DPYD: variants seen among roughly 807,000 people sequenced by gnomAD.
DPYD encodes the protein dihydropyrimidine dehydrogenase, also known as dihydropyrimidine dehydrogenase [NADP(+)].
In DPYD, 109 loss-of-function variants were observed where a neutral mutation model predicts 116.2. The observed-to-expected ratio is 0.94, with a 90% CI of 0.80 to 1.10. DPYD has a LOEUF of 1.10. DPYD is among the 50% of genes least tolerant of loss of function. DPYD has a pLI of 0.00. For synonymous variants in DPYD, 440 were observed against 432.0 expected, an observed-to-expected ratio of 1.02 and a Z score of -0.23; for missense variants, 1,302 against 1,254.5, an observed-to-expected ratio of 1.04 and a Z score of -0.57.
chr1:97,160,012 T>C lies in DPYD; in HGVS notation c.2622+33057A>G, dbSNP rs571193080. On this transcript the variant is annotated intron_variant, in intron 20 of 22. Coordinates refer to ENST00000370192, the MANE Select transcript of DPYD (RefSeq NM_000110.4). Reference sequence around the variant, plus strand: ...AGATGAAGGATAAAATCTTTCTTACTGATACTATTATCATTAGGATACAAT... The same window carrying C: ...AGATGAAGGATAAAATCTTTCTTACCGATACTATTATCATTAGGATACAAT... Among the ~76,000 whole-genome samples, 26 of 152,164 alleles carry C rather than the reference T, an allele frequency of 1.7e-4. No individual in the cohort carries two copies. In the South Asian group the frequency reaches 5.2e-3, roughly 30 times the overall value.
chr1:97,170,284 C>A (rs1656630147), intron 20 of DPYD, among the ~76,000 whole-genome samples: 1 of 152,116 alleles, frequency 6.6e-6, no homozygotes, highest in African/African-American at 2.4e-5. Flanking sequence ...TAGGGTTTTC[C>A]TTGCTATTAA....
chr1:97,199,050 C>A (rs1659018305), intron 19 of DPYD, among the ~76,000 whole-genome samples: 1 of 152,104 alleles, frequency 6.6e-6, no homozygotes, highest in African/African-American at 2.4e-5. Context: ...GTACAAATAC[C>A]TGGATGGTAA....
In DPYD at chr1:97,779,843, A is replaced by G. The variant is rs972971149; in HGVS notation, c.234-39364T>C. 4.6e-5 allele frequency among the ~76,000 whole-genome samples: 7 copies of G among 152,242 alleles called. No individual in the cohort carries two copies. In the South Asian group the frequency reaches 1.0e-3, roughly 23 times the overall value. ...AAGATAAGAATTTAGAAGTTGAACA[A>G]CTAGAACCAACTCTAACTTTTACTA... On this transcript the variant is annotated intron_variant, in intron 3 of 22. Coordinates refer to ENST00000370192, the MANE Select transcript of DPYD (RefSeq NM_000110.4).
chr1:97,624,833 A>G (rs1296909824), intron 8 of DPYD, among the ~76,000 whole-genome samples: 2 of 152,086 alleles, frequency 1.3e-5, no homozygotes, highest in Non-Finnish European at 2.9e-5. Context: ...ATTGGAGAAC[A>G]TTACACTAAG....
chr1:97,753,901 A>T (rs1411557808), intron 3 of DPYD, among the ~76,000 whole-genome samples: 1 of 152,140 alleles, frequency 6.6e-6, no homozygotes, highest in South Asian at 2.1e-4. Context: ...GTCCCTATCC[A>T]GTATCTGGAA....
At chr1:97,815,582 T>C (rs1453253781) in intron 3 of DPYD, among the ~76,000 whole-genome samples, 1 of 152,194 alleles carries the variant, frequency 6.6e-6, no homozygotes, top group African/African-American at 2.4e-5. Context: ...CAGAGCACTC[T>C]CACTGAACAG....
At chr1:97,555,458 C>T (rs966639720) in intron 11 of DPYD, among the ~76,000 whole-genome samples, 2 of 152,206 alleles carry the variant, frequency 1.3e-5, no homozygotes, top group East Asian at 3.9e-4. Context: ...ACATCCAAAA[C>T]TCAGTTCACA....
At chr1:97,509,732 T>C (rs1167536102) in intron 13 of DPYD, among the ~76,000 whole-genome samples, 2 of 151,938 alleles carry the variant, frequency 1.3e-5, no homozygotes, top group Non-Finnish European at 2.9e-5. Flanking sequence ...ACCTTAAAGA[T>C]CATCTCAAGA....
At chr1:97,328,415 A>C (rs1225173051) in intron 16 of DPYD, among the ~76,000 whole-genome samples, 1 of 152,146 alleles carries the variant, frequency 6.6e-6, no homozygotes, top group African/African-American at 2.4e-5. Context: ...AAGTCATATT[A>C]GTCTACTTAT....
intron 8 of DPYD, among the ~76,000 whole-genome samples, chr1:97,659,412 A>G (rs1659125419): frequency 6.6e-6 from 1 of 152,192 alleles, no homozygotes; most frequent in African/African-American, 2.4e-5. Flanking sequence ...GTACATTTGT[A>G]TAAGAGTGGT....
At chr1:97,891,298 C>A (rs1030191515) in intron 1 of DPYD, among the ~76,000 whole-genome samples, 2 of 151,880 alleles carry the variant, frequency 1.3e-5, no homozygotes, top group African/African-American at 4.8e-5. Context: ...CCCATTAACC[C>A]TTTCAGATAC....
chr1:97,688,836 A>G (rs553338929), intron 7 of DPYD, among the ~76,000 whole-genome samples: 1 of 152,104 alleles, frequency 6.6e-6, no homozygotes, highest in Admixed American at 6.5e-5. Context: ...TTACATGTAC[A>G]GAAATAAACA....
intron 8 of DPYD, among the ~76,000 whole-genome samples, chr1:97,598,586 C>A (rs369761131): frequency 7.4e-6 from 1 of 135,552 alleles, no homozygotes; most frequent in African/African-American, 2.7e-5. Flanking sequence ...GTGATTTTCA[C>A]GTTCTCTGAA....
chr1:97,162,828 A>T (rs887147681), intron 20 of DPYD, among the ~76,000 whole-genome samples: 2 of 151,894 alleles, frequency 1.3e-5, no homozygotes, highest in African/African-American at 4.8e-5. Flanking sequence ...ATAACGCCAC[A>T]TATCTACAAC....
chr1:97,920,444 A>G (rs78334244), intron 1 of DPYD, among the ~76,000 whole-genome samples: 2,125 of 152,258 alleles, frequency 0.014, 168 homozygotes, highest in Admixed American at 0.12. Flanking sequence ...TCACCTTTGC[A>G]AATAGCAGGA....
intron 14 of DPYD, among the ~76,000 whole-genome samples, chr1:97,432,152 T>G (rs773316849): frequency 6.6e-6 from 1 of 152,160 alleles, no homozygotes; most frequent in Non-Finnish European, 1.5e-5. Context: ...CTATTGTGAA[T>G]AGTGCTGCAA....
intron 10 of DPYD, chr1:97,585,821 A>G (rs1480326535): frequency 1.3e-5 from 2 of 152,310 alleles, no homozygotes; most frequent in African/African-American, 4.8e-5. Flanking sequence ...TAGAGCATAC[A>G]GATCTCTTCC....
At chr1:97,540,377 C>CA (rs987830681) in intron 12 of DPYD, among the ~76,000 whole-genome samples, 3 of 150,412 alleles carry the variant, frequency 2.0e-5, no homozygotes, top group African/African-American at 4.9e-5. Context: ...CAAAACAAAA[C>CA]AAAACAAAAC....
chr1:97,512,642 G>T (rs568148484), intron 13 of DPYD, among the ~76,000 whole-genome samples: 1 of 151,786 alleles, frequency 6.6e-6, no homozygotes, highest in African/African-American at 2.4e-5. Flanking sequence ...AGGTCAAGGG[G>T]TTATTTTATG....
Sources: allele counts gnomAD v4.1 joint callset (sites outside exome capture counted in the v4.1 genomes callset), GRCh38; gene constraint gnomAD v4.1.1; transcripts MANE v1.5; gene names NCBI Gene and HGNC (gene_info 2026-07-23, HGNC 2026-07-21).